DPH6: variants seen among roughly 807,000 people sequenced by gnomAD.
The protein encoded by DPH6 is diphthamine biosynthesis 6, also known as diphthine--ammonia ligase.
Under a neutral mutation model 38.2 loss-of-function variants are expected in DPH6, and 33 were observed. That is an observed-to-expected ratio of 0.86 (90% CI 0.65 to 1.15). DPH6 has a LOEUF of 1.15. Among genes scored for constraint, DPH6 ranks in the 50% most tolerant of loss-of-function variants. The probability of loss-of-function intolerance (pLI) is 0.00; values close to 1 mark genes in which losing one functional copy is unlikely to be tolerated. For synonymous variants in DPH6, 108 were observed against 103.0 expected (o/e 1.05, Z -0.30); for missense variants, 325 against 320.0 (o/e 1.02, Z -0.12).
intron 3 of DPH6, among the ~76,000 whole-genome samples, chr15:35,480,220 C>A (rs2054310638): frequency 6.6e-6 from 1 of 151,936 alleles, no homozygotes; most frequent in Non-Finnish European, 1.5e-5. Context: ...AACTTTATAA[C>A]CACAACAGTT....
chr15:35,388,379 C>T (rs149600484), intron 6 of DPH6, among the ~76,000 whole-genome samples: 33 of 152,274 alleles, frequency 2.2e-4, no homozygotes, highest in African/African-American at 7.0e-4. Context: ...AGAGGATTTC[C>T]TCTTTTTCTA....
the DPH6 span, among the ~76,000 whole-genome samples, chr15:35,168,773 T>C: frequency 2.0e-5 from 3 of 152,164 alleles, no homozygotes; most frequent in African/African-American, 7.2e-5. Context: ...AAATACATTT[T>C]ACTAGGCTGA....
the DPH6 span, among the ~76,000 whole-genome samples, chr15:35,149,873 G>A: frequency 1.3e-5 from 2 of 152,184 alleles, no homozygotes; most frequent in Admixed American, 6.5e-5. Flanking sequence ...TTGCACTAGA[G>A]GTGCATAAAA....
At chr15:35,442,868 G>C (rs192258436) in intron 5 of DPH6, among the ~76,000 whole-genome samples, 38 of 152,294 alleles carry the variant, frequency 2.5e-4, no homozygotes, top group African/African-American at 8.9e-4. Context: ...AAAGCTGGGA[G>C]CAGTGGGGCA....
intron 3 of DPH6, among the ~76,000 whole-genome samples, chr15:35,336,460 A>G (rs2052373840): frequency 2.0e-5 from 3 of 152,034 alleles, no homozygotes; most frequent in Admixed American, 2.0e-4. Flanking sequence ...AGTTGATCAA[A>G]TCGGCTACTG....
the DPH6 span, among the ~76,000 whole-genome samples, chr15:35,153,082 T>C: frequency 6.6e-6 from 1 of 152,166 alleles, no homozygotes; most frequent in Non-Finnish European, 1.5e-5. Context: ...AGATTAATAT[T>C]TTATGATGTG....
chr15:35,381,344 C>T (rs2052861843), intron 7 of DPH6, among the ~76,000 whole-genome samples: 1 of 152,036 alleles, frequency 6.6e-6, no homozygotes, highest in Non-Finnish European at 1.5e-5. Context: ...CATTTAAAAA[C>T]AAAGTTTATG....
At chr15:35,296,638 G>A (rs2052017063) in intron 3 of DPH6, among the ~76,000 whole-genome samples, 1 of 152,132 alleles carries the variant, frequency 6.6e-6, no homozygotes, top group South Asian at 2.1e-4. Context: ...TGTTACTAGA[G>A]AAAAACACAT....
At chr15:35,437,543 C>T (rs1382882271) in intron 5 of DPH6, among the ~76,000 whole-genome samples, 2 of 152,114 alleles carry the variant, frequency 1.3e-5, no homozygotes, top group South Asian at 2.1e-4. Flanking sequence ...TGGTGCAAAC[C>T]GGTAAAGGGA....
At position 35,354,572 on chromosome 15, in the gene DPH6, C is replaced by T. The variant is rs978970677; in HGVS notation, n.207+18949G>A. Among the ~76,000 whole-genome samples, 10 of 152,214 alleles carry T rather than the reference C, an allele frequency of 6.6e-5. No individual in the cohort carries two copies. The South Asian group carries it at 8.3e-4, about 13-fold the overall frequency. ...TTTTGTCTTTGGTTCTGTTTATATG[C>T]TGGATTATGTTTATTGATTTGCCTA... On this transcript the variant is annotated intron_variant and non_coding_transcript_variant, in intron 3 of 3. Coordinates refer to the DPH6 transcript ENST00000558973.
intron 3 of DPH6, among the ~76,000 whole-genome samples, chr15:35,493,731 G>A (rs2054513218): frequency 6.6e-6 from 1 of 152,094 alleles, no homozygotes; most frequent in African/African-American, 2.4e-5. Flanking sequence ...GAACTGGTTT[G>A]GTGTAGGAAG....
intron 3 of DPH6, among the ~76,000 whole-genome samples, chr15:35,332,702 A>G (rs998672807): frequency 2.6e-5 from 4 of 152,118 alleles, no homozygotes; most frequent in Non-Finnish European, 4.4e-5. Flanking sequence ...TATAAAACAT[A>G]TGGAGCCCTC....
intron 3 of DPH6, among the ~76,000 whole-genome samples, chr15:35,512,546 T>C (rs2054789492): frequency 1.3e-5 from 2 of 152,092 alleles, no homozygotes; most frequent in South Asian, 4.1e-4. Flanking sequence ...CTTCTCACAA[T>C]AAGGGGAAAA....
chr15:35,487,009 A>C (rs563864186), intron 3 of DPH6, among the ~76,000 whole-genome samples: 2 of 152,282 alleles, frequency 1.3e-5, no homozygotes, highest in East Asian at 1.9e-4. Context: ...TTAAATCTTG[A>C]AACTCCAAAA....
chr15:35,197,940 G>A, the DPH6 span, among the ~76,000 whole-genome samples: 1 of 152,074 alleles, frequency 6.6e-6, no homozygotes, highest in Non-Finnish European at 1.5e-5. Context: ...TTTGTCACTG[G>A]TTGCATTTCC....
At chr15:35,164,093 A>G in the DPH6 span, among the ~76,000 whole-genome samples, 1 of 151,864 alleles carries the variant, frequency 6.6e-6, no homozygotes, top group East Asian at 1.9e-4. Context: ...TTTATAAAAT[A>G]TGCTGCAAAA....
At chr15:35,297,651 G>T (rs2052024131) in intron 3 of DPH6, among the ~76,000 whole-genome samples, 1 of 151,554 alleles carries the variant, frequency 6.6e-6, no homozygotes, top group Admixed American at 6.6e-5. Context: ...TCAGTTCCTA[G>T]ACTTTAATCT....
At chr15:35,268,216 T>A (rs1217540698) in intron 3 of DPH6, among the ~76,000 whole-genome samples, 1 of 123,136 alleles carries the variant, frequency 8.1e-6, no homozygotes, top group Non-Finnish European at 1.8e-5. Context: ...AATAAATAAA[T>A]AAAAGAAAAC....
chr15:35,314,099 C>CAA (rs35052950), intron 3 of DPH6, among the ~76,000 whole-genome samples: 48 of 116,864 alleles, frequency 4.1e-4, no homozygotes, highest in African/African-American at 1.2e-3. Context: ...AACTCAATAG[C>CAA]AAAAAAAAAA....
Sources: gnomAD v4.1 joint callset for allele counts (sites outside exome capture counted in the v4.1 genomes callset) on GRCh38, gnomAD v4.1.1 for gene constraint, MANE v1.5 for transcripts, NCBI Gene and HGNC (gene_info 2026-07-23, HGNC 2026-07-21) for gene names.